The following SH3PXD2A variants were observed in gnomAD, a reference collection of about 807,000 sequenced individuals.
The protein encoded by SH3PXD2A is SH3 and PX domain-containing protein 2A.
SH3PXD2A carries 32 observed loss-of-function variants against 115.2 expected under a neutral mutation model. The observed-to-expected ratio is 0.28, with a 90% confidence interval of 0.21 to 0.37. SH3PXD2A has a LOEUF of 0.37. Ranked by LOEUF, SH3PXD2A falls within the 10% of genes least tolerant of loss-of-function variation. SH3PXD2A has a pLI of 1.00. For synonymous variants in SH3PXD2A, 610 were observed against 629.1 expected (o/e 0.97, Z 0.45); for missense variants, 1,328 against 1,498.7 (o/e 0.89, Z 1.88).
intron 2 of SH3PXD2A, among the ~76,000 whole-genome samples, chr10:103,785,885 G>A (rs561315365): frequency 3.3e-5 from 5 of 151,744 alleles, no homozygotes; most frequent in African/African-American, 7.3e-5. Context: ...GAATCAGGGC[G>A]AGAGAAAAAG....
intron 1 of SH3PXD2A, among the ~76,000 whole-genome samples, chr10:103,813,877 C>T (rs1364684384): frequency 1.3e-5 from 2 of 151,884 alleles, no homozygotes; most frequent in Admixed American, 6.6e-5. Flanking sequence ...GGATTTAAAT[C>T]AGAATCTTGG....
chr10:103,801,319 G>C lies in SH3PXD2A; in HGVS notation c.116C>G (p.Thr39Ser), dbSNP rs1589460539. 1 of 1,612,570 alleles carries C rather than the reference G, an allele frequency of 6.2e-7. No individual in the cohort carries two copies. Among genetic ancestry groups the C allele is most frequent in the Non-Finnish European group, 8.5e-7 (1 of 1,178,616 alleles). Residue 39 changes from threonine (T) to serine (S), a missense_variant, in exon 2 of 15, where the codon ACT becomes AGT. Physicochemically the swap from Thr to Ser is moderately conservative, Grantham distance 58 (BLOSUM62 1). Coordinates refer to ENST00000369774, the MANE Select transcript of SH3PXD2A (RefSeq NM_001394015.1). Reference protein sequence around the residue: ...NVTWSDSTSQTIYRRYSKFFD... With the variant: ...NVTWSDSTSQSIYRRYSKFFD... ...GAACTTGCTGTACCTCCGGTAGATA[G>C]TCTGGGAGGTGGAGTCAGACCAGGT...
chr10:103,654,862 CA>C (rs2037185220), intron 8 of SH3PXD2A, among the ~76,000 whole-genome samples: 1 of 152,032 alleles, frequency 6.6e-6, no homozygotes, highest in Admixed American at 6.6e-5. Context: ...AGATGAAAAG[CA>C]GCCTTCTCTA....
rs12260762 is a variant in SH3PXD2A, at chr10:103,651,776, A to G, written c.604+9207T>C. Among the ~76,000 whole-genome samples the G allele has an allele frequency of 1.6e-3, 249 of 152,302 alleles. 2 individuals carry two copies. Among genetic ancestry groups the G allele is most frequent in the African/African-American group, 5.9e-3 (244 of 41,560 alleles). ...AAAAAGTCCAAAATCCCCCCCTCTT[A>G]GCTAGCACGAGCAGGCATCTCTCCA... On this transcript the variant is annotated intron_variant, in intron 8 of 14. Coordinates refer to ENST00000369774, the MANE Select transcript of SH3PXD2A (RefSeq NM_001394015.1).
intron 4 of SH3PXD2A, among the ~76,000 whole-genome samples, chr10:103,729,361 A>C (rs1475132899): frequency 6.6e-6 from 1 of 152,238 alleles, no homozygotes; most frequent in Non-Finnish European, 1.5e-5. Flanking sequence ...TCCAGGTTCA[A>C]GACATTCTGA....
chr10:103,801,544 C>T (rs1028432364), intron 1 of SH3PXD2A, among the ~76,000 whole-genome samples, 182 bp from the exon 2 acceptor site: 11 of 151,300 alleles, frequency 7.3e-5, no homozygotes, highest in African/African-American at 2.7e-4. Context: ...TGTCTAAATA[C>T]ACACACACAC....
In SH3PXD2A at chr10:103,756,892, G is replaced by T. The variant is rs7898224; in HGVS notation, c.229+10202C>A. Among the ~76,000 whole-genome samples the T allele has an allele frequency of 4.0e-5, 6 of 151,854 alleles. No homozygotes were observed. Among genetic ancestry groups the T allele is most frequent in the Non-Finnish European group, 7.4e-5 (5 of 67,936 alleles). On this transcript the variant is annotated intron_variant, in intron 3 of 14. Transcript: ENST00000369774. The surrounding 1 kb of genome is among the most constrained non-coding windows in gnomAD (Gnocchi z 4.4). ...GACCCCAGCTGGTCTCCTCTGCTCC[G>T]TGCAAGCTCCCGCCAGCCCCTTCTC...
chr10:103,848,116 T>A (rs887168853), intron 1 of SH3PXD2A, among the ~76,000 whole-genome samples: 10 of 152,102 alleles, frequency 6.6e-5, no homozygotes, highest in Non-Finnish European at 1.5e-4. Flanking sequence ...GGAGTGTGGA[T>A]GGAAATTACT....
At chr10:103,698,897 G>A (rs1279967523) in intron 5 of SH3PXD2A, among the ~76,000 whole-genome samples, 1 of 152,020 alleles carries the variant, frequency 6.6e-6, no homozygotes, top group Non-Finnish European at 1.5e-5. Flanking sequence ...GATCCATAGA[G>A]GGATGCAGGG....
chr10:103,820,537 T>A (rs1178214399), intron 1 of SH3PXD2A, among the ~76,000 whole-genome samples: 1 of 151,980 alleles, frequency 6.6e-6, no homozygotes, highest in African/African-American at 2.4e-5. Flanking sequence ...CCCCTCAAAG[T>A]CACGTCATCC....
At chr10:103,736,974 C>T (rs966310036) in intron 3 of SH3PXD2A, 1 of 155,070 alleles carries the variant, frequency 6.4e-6, no homozygotes, top group South Asian at 2.0e-4. Context: ...CAATCTGGGC[C>T]AATGAGAGTC....
chr10:103,762,360 T>C (rs539207648), intron 3 of SH3PXD2A, among the ~76,000 whole-genome samples: 1 of 152,174 alleles, frequency 6.6e-6, no homozygotes, highest in Admixed American at 6.5e-5. Flanking sequence ...TCCAGCCTCA[T>C]GATAGAAACA....
intron 8 of SH3PXD2A, among the ~76,000 whole-genome samples, chr10:103,649,873 G>A (rs2037092384): frequency 6.6e-6 from 1 of 152,212 alleles, no homozygotes; most frequent in Non-Finnish European, 1.5e-5. Flanking sequence ...AACACAAGGG[G>A]CTGAGGAGGC....
rs761590558 is a variant in SH3PXD2A, at chr10:103,732,557, G to C, written c.306+3175C>G. 1.6e-4 allele frequency among the ~76,000 whole-genome samples: 24 copies of C among 152,232 alleles called. 1 individual carries two copies. Among genetic ancestry groups the C allele is most frequent in the Non-Finnish European group, 3.5e-4 (24 of 68,036 alleles). The stretch of plus-strand genomic sequence containing the variant: ...CCGCCATTAGGTGGTGGGACTGGCT[G>C]GCCAGCAAGGGCAGGGAGCCCAAAG... On this transcript the variant is annotated intron_variant, in intron 4 of 14. Transcript: ENST00000369774.
At chr10:103,661,197 C>T (rs2037295183) in intron 7 of SH3PXD2A, 83 bp from the exon 8 acceptor site, 1 of 1,501,144 alleles carries the variant, frequency 6.7e-7, no homozygotes, top group East Asian at 2.4e-5. Context: ...TCGGCCTCCT[C>T]GGGGGTGGCT....
At chr10:103,733,187 C>G (rs535521207) in intron 4 of SH3PXD2A, among the ~76,000 whole-genome samples, 5 of 152,030 alleles carry the variant, frequency 3.3e-5, no homozygotes, top group Non-Finnish European at 7.4e-5. Flanking sequence ...GTTAGGAGGT[C>G]CCTCCTCTTG....
At chr10:103,783,786 G>A (rs775697481) in intron 2 of SH3PXD2A, among the ~76,000 whole-genome samples, 16 of 152,226 alleles carry the variant, frequency 1.1e-4, no homozygotes, top group Non-Finnish European at 1.2e-4. Flanking sequence ...GAACAAGGTG[G>A]AGCCCAGATG....
chr10:103,788,693 C>G (rs893487082), intron 2 of SH3PXD2A, among the ~76,000 whole-genome samples: 1 of 151,998 alleles, frequency 6.6e-6, no homozygotes, highest in South Asian at 2.1e-4. Flanking sequence ...ATGGAGAAAC[C>G]CCGTCTCTAC....
chr10:103,721,444 A>G (rs1385358366), intron 5 of SH3PXD2A, among the ~76,000 whole-genome samples: 1 of 152,164 alleles, frequency 6.6e-6, no homozygotes, highest in East Asian at 1.9e-4. Flanking sequence ...AGGGCCTCCT[A>G]GAGGTGGGCA....
Sources: gnomAD v4.1 joint callset for allele counts (sites outside exome capture counted in the v4.1 genomes callset) on GRCh38, gnomAD v4.1.1 for gene constraint, Gnocchi (gnomAD v3.1) non-coding constraint, MANE v1.5 for transcripts, NCBI Gene and HGNC (gene_info 2026-07-23, HGNC 2026-07-21) for gene names.